The following UBE3C variants were observed in gnomAD, a reference collection of about 807,000 sequenced individuals.
The protein encoded by UBE3C is ubiquitin-protein ligase E3C.
Under a neutral mutation model 129.4 loss-of-function variants are expected in UBE3C, and 42 were observed. That is an observed-to-expected ratio of 0.32 (90% CI 0.25 to 0.42). UBE3C has a LOEUF of 0.42. Ranked by LOEUF, UBE3C falls within the 10% of genes least tolerant of loss-of-function variation. The pLI, the probability that UBE3C is intolerant of heterozygous loss-of-function variation, is 1.00. For missense variants in UBE3C, 1,049 were observed against 1,319.1 expected (o/e 0.80, Z 3.17); for synonymous variants, 510 against 492.4 (o/e 1.04, Z -0.47).
At chr7:157,167,264 G>A (rs557073789) in intron 2 of UBE3C, among the ~76,000 whole-genome samples, 35 of 152,024 alleles carry the variant, frequency 2.3e-4, no homozygotes, top group African/African-American at 7.2e-4. Flanking sequence ...TTCAAGCCCA[G>A]GAACTACATC....
chr7:157,207,914 A>C lies in UBE3C; in HGVS notation c.1788A>C (p.Lys596Asn). 6.3e-7 allele frequency: 1 copy of C among 1,596,188 alleles called. No individual in the cohort carries two copies. Among genetic ancestry groups the C allele is most frequent in the Non-Finnish European group, 8.5e-7 (1 of 1,172,974 alleles). The change falls in exon 13 of 23, where the codon AAA becomes AAC. Residue 596 changes from lysine (K) to asparagine (N), a missense_variant. This residue lies in a region of UBE3C where 314 missense variants were observed against 416.9 expected (regional missense o/e 0.75). Transcript: ENST00000348165. ...AACAATGCATACAGATGGAACAGAA[A>C]AGATGGATTCAGTTATTTAAGGTAT... The part of the protein sequence containing the change: ...EMQQCIQMEQ[K>N]RWIQLFKVIT...
At chr7:157,198,447 G>C in intron 10 of UBE3C, 1 of 516,858 alleles carries the variant, frequency 1.9e-6, no homozygotes, top group Non-Finnish European at 3.5e-6. Context: ...CTGTGCGCTC[G>C]GAGGCCACAG....
Position 157,170,465 on chromosome 7 carries a change from C to T in UBE3C, c.342+15C>T, listed in dbSNP as rs1586660172. The T allele has an allele frequency of 2.0e-6, 3 of 1,515,150 alleles. No individual in the cohort carries two copies. Among genetic ancestry groups the T allele is most frequent in the Non-Finnish European group, 1.8e-6 (2 of 1,136,124 alleles). 93.9% of individuals were successfully genotyped at this position (1,515,150 alleles called of 1,614,324 possible). The stretch of plus-strand genomic sequence containing the variant: ...CAAAACGTTTGGTGAGTGTTAACTA[C>T]ATTTTCACTTGTCCTCGTTTACACG... On this transcript the variant is annotated intron_variant, in intron 4 of 22. Coordinates refer to ENST00000348165, the MANE Select transcript of UBE3C (RefSeq NM_014671.3).
intron 8 of UBE3C, 28 bp downstream of exon 8, chr7:157,182,356 G>A (rs749484873): frequency 1.9e-6 from 3 of 1,606,092 alleles, no homozygotes; most frequent in Admixed American, 1.7e-5. Flanking sequence ...TTTTTTACCT[G>A]AACACACATA....
At chr7:157,225,740 G>A (rs113834085) in intron 17 of UBE3C, among the ~76,000 whole-genome samples, 1,973 of 152,260 alleles carry the variant, frequency 0.013, 35 homozygotes, top group African/African-American at 0.045. Context: ...CTTGTGCTCA[G>A]GAGTTAGAGG....
chr7:157,205,462 G>A (rs533965410), intron 11 of UBE3C, among the ~76,000 whole-genome samples: 4 of 152,266 alleles, frequency 2.6e-5, no homozygotes, highest in South Asian at 4.1e-4. Context: ...TCTTGTCGGG[G>A]ATAACAGTGG....
At chr7:157,242,527 T>TTG (rs1796364546) in intron 18 of UBE3C, among the ~76,000 whole-genome samples, 2 of 143,054 alleles carry the variant, frequency 1.4e-5, no homozygotes, top group African/African-American at 5.4e-5. Context: ...TTTTTTTTTT[T>TTG]TTTTTTTTTT....
chr7:157,141,781 G>A (rs7784442), intron 1 of UBE3C, among the ~76,000 whole-genome samples: 2 of 151,976 alleles, frequency 1.3e-5, no homozygotes, highest in Non-Finnish European at 2.9e-5. Flanking sequence ...ACCACTTGTC[G>A]TTTGTGCCCG....
intron 2 of UBE3C, among the ~76,000 whole-genome samples, chr7:157,168,520 G>C (rs1808279073): frequency 6.6e-6 from 1 of 152,128 alleles, no homozygotes. Context: ...ATTCATAATA[G>C]ACCAAAGTGG....
rs1797025528 is a variant in UBE3C at position 157,264,580 on chromosome 7, C to T, written c.3082-3005C>T. Among the ~76,000 whole-genome samples, 4 of 152,270 alleles carry T rather than the reference C, an allele frequency of 2.6e-5. No individual in the cohort carries two copies. The South Asian group carries it at 8.3e-4, about 31-fold the overall frequency. On this transcript the variant is annotated intron_variant, in intron 22 of 22. Coordinates refer to ENST00000348165, the MANE Select transcript of UBE3C (RefSeq NM_014671.3). ...CAACATGCTCAGCCTGTTACACACA[C>T]ACAAACATATATATTTTTAAGACAG...
intron 14 of UBE3C, among the ~76,000 whole-genome samples, chr7:157,217,900 G>A (rs1388784862): frequency 6.6e-6 from 1 of 152,064 alleles, no homozygotes; most frequent in Non-Finnish European, 1.5e-5. Flanking sequence ...GTGTCCCCCT[G>A]TAGTCCCAGC....
At chr7:157,238,320 C>T (rs910943308) in intron 18 of UBE3C, among the ~76,000 whole-genome samples, 9 of 152,014 alleles carry the variant, frequency 5.9e-5, no homozygotes, top group African/African-American at 2.2e-4. Flanking sequence ...TGTCGTGGGC[C>T]TCCTTGGCTT....
At chr7:157,160,242 T>G (rs1352328450) in intron 1 of UBE3C, among the ~76,000 whole-genome samples, 1 of 151,964 alleles carries the variant, frequency 6.6e-6, no homozygotes, top group Non-Finnish European at 1.5e-5. Flanking sequence ...GCCCAGCTGA[T>G]TTTTGTATTT....
At chr7:157,211,626 A>T (rs886787495) in intron 13 of UBE3C, among the ~76,000 whole-genome samples, 1 of 152,176 alleles carries the variant, frequency 6.6e-6, no homozygotes, top group Non-Finnish European at 1.5e-5. Flanking sequence ...AACACTAGGC[A>T]TAAATGGGTT....
intron 10 of UBE3C, 55 bp downstream of exon 10, chr7:157,187,076 C>T: frequency 6.6e-7 from 1 of 1,513,442 alleles, no homozygotes; most frequent in Admixed American, 2.1e-5. Context: ...ACATACCTTC[C>T]TCCCTGGGAA....
At chr7:157,245,988 G>A (rs1053351227) in intron 18 of UBE3C, among the ~76,000 whole-genome samples, 43 of 71,004 alleles carry the variant, frequency 6.1e-4, no homozygotes, top group Non-Finnish European at 9.0e-4. Context: ...GGGAGACTCC[G>A]TCTCAAAAAA....
In UBE3C at chr7:157,165,315, A is replaced by G. The variant is rs550255707; in HGVS notation, c.120+1452A>G. ...CCCTCATGTGCTTTTCTCTGTGTTT[A>G]TCCTTTTGAATATCTCTGCTTCAGT... On this transcript the variant is annotated intron_variant, in intron 2 of 22. Transcript: ENST00000348165. 2.8e-4 allele frequency among the ~76,000 whole-genome samples: 42 copies of G among 149,492 alleles called. 1 individual carries two copies. In the South Asian group the frequency reaches 3.6e-3, roughly 13 times the overall value.
chr7:157,202,669 AAAG>A (rs1479062820), intron 11 of UBE3C, among the ~76,000 whole-genome samples: 2 of 152,284 alleles, frequency 1.3e-5, no homozygotes, highest in East Asian at 1.9e-4. Context: ...AAAAAGAAAA[AAAG>A]AAGTCTATGC....
chr7:157,232,255 T>C (rs1796041042), intron 18 of UBE3C, among the ~76,000 whole-genome samples: 1 of 152,254 alleles, frequency 6.6e-6, no homozygotes, highest in South Asian at 2.1e-4. Context: ...AAGAAGGTTA[T>C]ATTCACAGAT....
Sources: allele counts gnomAD v4.1 joint callset (sites outside exome capture counted in the v4.1 genomes callset), GRCh38; gene constraint gnomAD v4.1.1; regional missense constraint gnomAD v4.1.1; transcripts MANE v1.5; gene names NCBI Gene and HGNC (gene_info 2026-07-23, HGNC 2026-07-21).